CDH13: variants seen among roughly 807,000 people sequenced by gnomAD.
CDH13 encodes the protein cadherin-13.
In CDH13, 24 loss-of-function variants were observed where a neutral mutation model predicts 63.8. The ratio of observed to expected loss-of-function variants is 0.38; its 90% CI spans 0.27 to 0.53. The LOEUF (loss-of-function observed/expected upper bound fraction) is 0.53. Ranked by LOEUF, CDH13 falls within the 20% of genes least tolerant of loss-of-function variation. The pLI, the probability that CDH13 is intolerant of heterozygous loss-of-function variation, is 0.85. For missense variants in CDH13, 1,049 were observed against 903.1 expected (o/e 1.16, Z -2.07); for synonymous variants, 503 against 355.3 (o/e 1.42, Z -4.67).
intron 7 of CDH13, among the ~76,000 whole-genome samples, chr16:83,523,668 G>C (rs1330338130): frequency 6.6e-6 from 1 of 152,172 alleles, no homozygotes; most frequent in African/African-American, 2.4e-5. Context: ...CTGGCAGCTG[G>C]CTTGGGCTCT....
chr16:83,595,907 T>C (rs16960955), intron 7 of CDH13, among the ~76,000 whole-genome samples: 6,363 of 152,248 alleles, frequency 0.042, 461 homozygotes, highest in African/African-American at 0.14. Context: ...GAGTATACAG[T>C]GGAATGAGTT....
chr16:83,301,795 AG>A (rs1443161289), intron 5 of CDH13, among the ~76,000 whole-genome samples: 1 of 151,312 alleles, frequency 6.6e-6, no homozygotes, highest in Non-Finnish European at 1.5e-5. Flanking sequence ...TTTTCTGTAA[AG>A]TTTTGGCAGA....
chr16:82,969,235 T>C (rs953510769), intron 2 of CDH13, among the ~76,000 whole-genome samples: 1 of 152,234 alleles, frequency 6.6e-6, no homozygotes, highest in Non-Finnish European at 1.5e-5. Flanking sequence ...GTAGGTGATA[T>C]AGTTTCTCTT....
At chr16:83,425,779 C>T (rs898598187) in intron 6 of CDH13, among the ~76,000 whole-genome samples, 1 of 151,958 alleles carries the variant, frequency 6.6e-6, no homozygotes, top group Non-Finnish European at 1.5e-5. Context: ...CTTCCTTTGT[C>T]TCTTTCTTCT....
At chr16:82,706,624 G>A (rs1412781421) in intron 1 of CDH13, among the ~76,000 whole-genome samples, 4 of 151,328 alleles carry the variant, frequency 2.6e-5, no homozygotes, top group Non-Finnish European at 4.4e-5. Flanking sequence ...GTGAAACCCC[G>A]TCTCTACTAA....
At chr16:82,871,225 G>A (rs1024127566) in intron 2 of CDH13, among the ~76,000 whole-genome samples, 2 of 152,164 alleles carry the variant, frequency 1.3e-5, no homozygotes, top group African/African-American at 4.8e-5. Flanking sequence ...GTTTTGAATT[G>A]TTGATACAGG....
At chr16:83,295,986 C>A (rs539833228) in intron 5 of CDH13, among the ~76,000 whole-genome samples, 2 of 152,116 alleles carry the variant, frequency 1.3e-5, no homozygotes, top group East Asian at 3.9e-4. Flanking sequence ...AAAATTGTAT[C>A]TTTATGAGCC....
intron 7 of CDH13, among the ~76,000 whole-genome samples, chr16:83,573,341 A>G (rs868459448): frequency 6.6e-6 from 1 of 152,172 alleles, no homozygotes; most frequent in African/African-American, 2.4e-5. Flanking sequence ...CCTAGTCACC[A>G]TTCAGTGGTG....
chr16:83,123,276 C>T (rs1426255214), intron 3 of CDH13, among the ~76,000 whole-genome samples: 1 of 151,154 alleles, frequency 6.6e-6, no homozygotes, highest in Non-Finnish European at 1.5e-5. Flanking sequence ...ATATATCCCA[C>T]ATTTTCTTTT....
intron 2 of CDH13, among the ~76,000 whole-genome samples, chr16:82,987,233 G>C (rs901233677): frequency 1.2e-4 from 18 of 152,134 alleles, no homozygotes; most frequent in Admixed American, 5.2e-4. Flanking sequence ...AGTTACTGCT[G>C]TATCCCTTAA....
intron 8 of CDH13, 113 bp from the exon 9 acceptor site, chr16:83,670,677 G>A (rs1015609877): frequency 6.2e-6 from 6 of 963,134 alleles, no homozygotes; most frequent in African/African-American, 1.6e-5. Context: ...ATCCTCTTAT[G>A]TTATTATTTA....
intron 5 of CDH13, among the ~76,000 whole-genome samples, chr16:83,275,137 A>G (rs1282626645): frequency 6.6e-6 from 1 of 152,200 alleles, no homozygotes; most frequent in Non-Finnish European, 1.5e-5. Context: ...CACATTAGAC[A>G]TCCAATACAT....
intron 4 of CDH13, among the ~76,000 whole-genome samples, chr16:83,200,126 C>G (rs539774889): frequency 2.0e-5 from 3 of 152,238 alleles, no homozygotes; most frequent in East Asian, 3.9e-4. Context: ...AAGCTTCAGA[C>G]TCAGAGTCAG....
chr16:83,570,735 C>A (rs1026091428), intron 7 of CDH13, among the ~76,000 whole-genome samples: 11 of 136,680 alleles, frequency 8.0e-5, no homozygotes, highest in African/African-American at 2.2e-4. Flanking sequence ...TATATATTTT[C>A]TATATATTTT....
At chr16:83,474,964 G>A (rs1284218979) in intron 6 of CDH13, among the ~76,000 whole-genome samples, 3 of 152,232 alleles carry the variant, frequency 2.0e-5, no homozygotes, top group Admixed American at 6.5e-5. Context: ...TGTTGCCTGC[G>A]CAGCTGAGTA....
intron 6 of CDH13, among the ~76,000 whole-genome samples, chr16:83,467,502 T>G (rs2073346335): frequency 6.6e-5 from 10 of 151,552 alleles, no homozygotes. Flanking sequence ...CTTTGTGAAT[T>G]GAGCCTAGAA....
At chr16:82,895,382 C>T (rs2041217488) in intron 2 of CDH13, among the ~76,000 whole-genome samples, 1 of 152,212 alleles carries the variant, frequency 6.6e-6, no homozygotes, top group African/African-American at 2.4e-5. Context: ...GCCACCATCC[C>T]CTCATCATCT....
intron 6 of CDH13, among the ~76,000 whole-genome samples, chr16:83,425,666 C>T (rs1281299861): frequency 1.3e-5 from 2 of 152,252 alleles, no homozygotes; most frequent in African/African-American, 2.4e-5. Flanking sequence ...CTAGAACACA[C>T]ATTTCCTCAC....
At chr16:83,351,455 G>A (rs1268184980) in intron 6 of CDH13, among the ~76,000 whole-genome samples, 3 of 152,120 alleles carry the variant, frequency 2.0e-5, no homozygotes, top group Non-Finnish European at 4.4e-5. Context: ...TCTCTACACA[G>A]AGAGATGCAG....
Sources: allele counts gnomAD v4.1 joint callset (sites outside exome capture counted in the v4.1 genomes callset), GRCh38; gene constraint gnomAD v4.1.1; transcripts MANE v1.5; gene names NCBI Gene and HGNC (gene_info 2026-07-23, HGNC 2026-07-21).